RSPO4: variants seen among roughly 807,000 people sequenced by gnomAD.
RSPO4 encodes R-spondin-4.
Under a neutral mutation model 24.8 loss-of-function variants are expected in RSPO4, and 23 were observed. That is an observed-to-expected ratio of 0.93 (90% CI 0.67 to 1.31). The LOEUF (loss-of-function observed/expected upper bound fraction) is 1.31, where lower values mean the gene tolerates loss of function less well. Ranked by LOEUF, RSPO4 falls within the 40% of genes most tolerant of loss-of-function variation. The pLI is 0.00. For synonymous variants in RSPO4, 141 were observed against 127.4 expected, an observed-to-expected ratio of 1.11 and a Z score of -0.72; for missense variants, 333 against 316.5, an observed-to-expected ratio of 1.05 and a Z score of -0.39.
At chr20:962,015 C>T (rs1266281973) in intron 4 of RSPO4, among the ~76,000 whole-genome samples, 2 of 152,292 alleles carry the variant, frequency 1.3e-5, no homozygotes, top group East Asian at 1.9e-4. Flanking sequence ...TACCCACTCA[C>T]CCACCTGTGC....
Position 970,948 on chromosome 20 carries a change from T to G in RSPO4, c.80-2810A>C, listed in dbSNP as rs1020461259. Among the ~76,000 whole-genome samples the G allele has an allele frequency of 6.6e-6, 1 of 152,190 alleles. No homozygotes were observed. The highest frequency in any genetic ancestry group is 1.5e-5 in the Non-Finnish European group (1 of 68,026). The stretch of plus-strand genomic sequence containing the variant: ...GCCTCAAATTCCTGGGCTCAAGCAA[T>G]CCTCCTGCCTCAGCCTCCTAAGTAG... On this transcript the variant is annotated intron_variant, in intron 1 of 4. Coordinates refer to ENST00000217260, the MANE Select transcript of RSPO4 (RefSeq NM_001029871.4). The surrounding 1 kb of genome is among the most constrained non-coding windows in gnomAD (Gnocchi z 4.1).
intron 1 of RSPO4, among the ~76,000 whole-genome samples, chr20:976,144 T>G (rs1170741014): frequency 6.6e-6 from 1 of 152,156 alleles, no homozygotes; most frequent in Non-Finnish European, 1.5e-5. Context: ...TGATTTGTTA[T>G]GAGGGATGTG....
At chr20:965,660 A>G (rs117124014) in intron 3 of RSPO4, among the ~76,000 whole-genome samples, 1,562 of 152,320 alleles carry the variant, frequency 0.01, 16 homozygotes, top group Middle Eastern at 0.031. Context: ...AGGGCGGCAC[A>G]GAGGACAGAA....
intron 1 of RSPO4, among the ~76,000 whole-genome samples, chr20:992,483 A>G (rs1985141873): frequency 6.6e-6 from 1 of 152,150 alleles, no homozygotes; most frequent in South Asian, 2.1e-4. Flanking sequence ...AGGCAGGGCC[A>G]TCTCTGACAT....
intron 1 of RSPO4, among the ~76,000 whole-genome samples, chr20:990,277 C>G (rs1338679159): frequency 3.3e-5 from 5 of 152,190 alleles, no homozygotes; most frequent in Non-Finnish European, 5.9e-5. Flanking sequence ...TGGGGGCAGA[C>G]AGGAGTTATA....
chr20:983,149 T>C (rs2122242999), intron 1 of RSPO4, among the ~76,000 whole-genome samples: 1 of 152,182 alleles, frequency 6.6e-6, no homozygotes. Flanking sequence ...CTTCTTCACT[T>C]TTTTGTGAAG....
At chr20:988,082 G>A (rs1441310793) in intron 1 of RSPO4, among the ~76,000 whole-genome samples, 1 of 152,234 alleles carries the variant, frequency 6.6e-6, no homozygotes, top group Non-Finnish European at 1.5e-5. Context: ...TCTTGGCGGA[G>A]GGACCAGTGG....
intron 4 of RSPO4, among the ~76,000 whole-genome samples, chr20:961,104 CTTT>C (rs1983984185): frequency 1.3e-5 from 2 of 152,104 alleles, no homozygotes; most frequent in Admixed American, 6.5e-5. Context: ...TCTTTTTCTT[CTTT>C]ATTTCCTTTA....
chr20:977,753 G>A (rs1432230851), intron 1 of RSPO4, among the ~76,000 whole-genome samples: 3 of 152,144 alleles, frequency 2.0e-5, no homozygotes, highest in Non-Finnish European at 1.5e-5. Flanking sequence ...GATGGGGAAA[G>A]AGAGAAAGAC....
intron 1 of RSPO4, among the ~76,000 whole-genome samples, chr20:975,282 T>C (rs1488219909): frequency 1.3e-5 from 2 of 152,158 alleles, no homozygotes; most frequent in Non-Finnish European, 2.9e-5. Context: ...CTACACATCT[T>C]GGCCTCTGTC....
Position 1,000,266 on chromosome 20 carries a change from G to A in RSPO4, c.79+1820C>T, listed in dbSNP as rs115157157. 4.0e-3 allele frequency among the ~76,000 whole-genome samples: 603 copies of A among 152,292 alleles called. 4 individuals are homozygous for A. The highest frequency in any genetic ancestry group is 0.014 in the African/African-American group (579 of 41,554). On this transcript the variant is annotated intron_variant, in intron 1 of 4. Transcript: ENST00000217260. ...TTCTCAGCATTATGTCAGGCAGATT[G>A]GGATTCGAGCCTGCTTTGCTACTCA... is the stretch of plus-strand genomic sequence containing the variant.
intron 1 of RSPO4, among the ~76,000 whole-genome samples, chr20:1,000,475 A>G (rs1884106): frequency 0.33 from 50,257 of 152,088 alleles, 13,362 homozygotes; most frequent in African/African-American, 0.73. Context: ...TTAGCTACTC[A>G]TCTTGCCCAC....
intron 1 of RSPO4, among the ~76,000 whole-genome samples, chr20:980,419 C>T (rs1035346591): frequency 2.6e-5 from 4 of 152,136 alleles, no homozygotes; most frequent in African/African-American, 9.7e-5. Flanking sequence ...CAGGCTGCCC[C>T]AGGACTGAAC....
intron 1 of RSPO4, among the ~76,000 whole-genome samples, chr20:975,272 C>G (rs554579285): frequency 6.6e-6 from 1 of 152,304 alleles, no homozygotes; most frequent in East Asian, 1.9e-4. Context: ...CTGGGTCCTT[C>G]TACACATCTT....
chr20:978,885 C>T (rs923812747), intron 1 of RSPO4, among the ~76,000 whole-genome samples: 7 of 151,882 alleles, frequency 4.6e-5, no homozygotes, highest in African/African-American at 9.7e-5. Flanking sequence ...GGCAAATCCC[C>T]GCTAAGGTGC....
intron 1 of RSPO4, among the ~76,000 whole-genome samples, chr20:987,330 C>T (rs573158486): frequency 6.6e-6 from 1 of 152,280 alleles, no homozygotes; most frequent in Admixed American, 6.5e-5. Context: ...TATGATTACC[C>T]TGTCCTTCCT....
At chr20:973,459 A>ATTGTTTGTTTGTTTGT (rs138891857) in intron 1 of RSPO4, among the ~76,000 whole-genome samples, 2 of 150,522 alleles carry the variant, frequency 1.3e-5, no homozygotes, top group African/African-American at 4.9e-5. Context: ...TGTTTGTTTT[A>ATTGTTTGTTTGTTTGT]TTGTTTGTTT....
At chr20:997,360 C>T (rs1029900421) in intron 1 of RSPO4, among the ~76,000 whole-genome samples, 14 of 152,190 alleles carry the variant, frequency 9.2e-5, no homozygotes, top group South Asian at 2.1e-4. Context: ...GGCTTCAGAA[C>T]GCTGAGTGGA....
At chr20:985,962 T>A (rs985020282) in intron 1 of RSPO4, among the ~76,000 whole-genome samples, 2 of 152,066 alleles carry the variant, frequency 1.3e-5, no homozygotes, top group African/African-American at 4.8e-5. Context: ...GCAAAAGGGG[T>A]GGGGTCTGGC....
Sources: gnomAD v4.1 joint callset for allele counts (sites outside exome capture counted in the v4.1 genomes callset) on GRCh38, gnomAD v4.1.1 for gene constraint, Gnocchi (gnomAD v3.1) non-coding constraint, MANE v1.5 for transcripts, NCBI Gene and HGNC (gene_info 2026-07-23, HGNC 2026-07-21) for gene names.